The following MLIP variants were observed in gnomAD, a reference collection of about 807,000 sequenced individuals.
MLIP encodes the protein muscular LMNA interacting protein, also known as muscular LMNA-interacting protein.
Under a neutral mutation model 84.8 loss-of-function variants are expected in MLIP, and 79 were observed. That is an observed-to-expected ratio of 0.93 (90% CI 0.78 to 1.12). MLIP has a LOEUF of 1.12. Among genes scored for constraint, MLIP ranks in the 50% most tolerant of loss-of-function variants. The pLI, the probability that MLIP is intolerant of heterozygous loss-of-function variation, is 0.00. For missense variants in MLIP, 1,257 were observed against 1,160.6 expected, an observed-to-expected ratio of 1.08 and a Z score of -1.21; for synonymous variants, 504 against 463.0, an observed-to-expected ratio of 1.09 and a Z score of -1.14.
chr6:54,027,527 A>G (rs1763890270), intron 1 of MLIP, among the ~76,000 whole-genome samples: 1 of 152,158 alleles, frequency 6.6e-6, no homozygotes, highest in Non-Finnish European at 1.5e-5. Flanking sequence ...TGACACAGAT[A>G]TCTTAGTTCC....
At chr6:54,265,772 C>A (rs768536957) in intron 13 of MLIP, among the ~76,000 whole-genome samples, 178 bp from the exon 14 acceptor site, 7 of 151,912 alleles carry the variant, frequency 4.6e-5, no homozygotes, top group Non-Finnish European at 2.9e-5. Flanking sequence ...CTTTATTATG[C>A]CATTAATAGT....
intron 8 of MLIP, among the ~76,000 whole-genome samples, chr6:54,162,235 C>A (rs1230810446): frequency 6.6e-6 from 1 of 151,914 alleles, no homozygotes; most frequent in Non-Finnish European, 1.5e-5. Context: ...GGAAAAGAAC[C>A]AGCCACAGAA....
chr6:54,149,036 T>C lies in MLIP; in HGVS notation c.2218-20T>C. The stretch of plus-strand genomic sequence containing the variant: ...TTCCCATTTTCATCTCTACTCTTGC[T>C]TTCTGGTTGCCCATTCTAGCAATAC... On this transcript the variant is annotated intron_variant, in intron 4 of 13. Coordinates refer to ENST00000502396, the MANE Select transcript of MLIP (RefSeq NM_001281747.2). The C allele has an allele frequency of 6.2e-7, 1 of 1,609,102 alleles. No homozygotes were observed. Among genetic ancestry groups the C allele is most frequent in the Non-Finnish European group, 8.5e-7 (1 of 1,176,214 alleles).
At chr6:54,039,054 C>G (rs1203931339) in intron 1 of MLIP, among the ~76,000 whole-genome samples, 1 of 151,732 alleles carries the variant, frequency 6.6e-6, no homozygotes, top group Non-Finnish European at 1.5e-5. Context: ...ATCTATATAA[C>G]CAATTTAAGT....
intron 1 of MLIP, among the ~76,000 whole-genome samples, chr6:54,090,695 AAGAGAG>A (rs148755535): frequency 2.8e-5 from 4 of 145,124 alleles, no homozygotes; most frequent in Non-Finnish European, 4.6e-5. Flanking sequence ...GAGACAGAGA[AAGAGAG>A]AGAGAGAGAG....
At chr6:54,027,889 G>A (rs563286673) in intron 1 of MLIP, among the ~76,000 whole-genome samples, 2 of 152,284 alleles carry the variant, frequency 1.3e-5, no homozygotes, top group South Asian at 4.1e-4. Flanking sequence ...GAGATAGATG[G>A]ATTGCAGGCT....
intron 1 of MLIP, among the ~76,000 whole-genome samples, chr6:54,019,406 C>T (rs1026310303): frequency 9.9e-5 from 15 of 152,194 alleles, no homozygotes; most frequent in African/African-American, 2.4e-4. Flanking sequence ...GTTTTATTTA[C>T]GTATGCGAAG....
intron 10 of MLIP, among the ~76,000 whole-genome samples, chr6:54,194,570 ACAT>A (rs1778165731): frequency 6.6e-6 from 1 of 152,146 alleles, no homozygotes; most frequent in Non-Finnish European, 1.5e-5. Flanking sequence ...TTGGAAAAAC[ACAT>A]CAAGTAGGTA....
chr6:54,110,234 C>T (rs1326729092), upstream of MLIP, among the ~76,000 whole-genome samples: 5 of 152,062 alleles, frequency 3.3e-5, no homozygotes, highest in South Asian at 2.1e-4. Flanking sequence ...CCGCCCGCCT[C>T]GGCCTCCCAA....
At chr6:54,224,561 AG>A (rs1562078531) in intron 11 of MLIP, among the ~76,000 whole-genome samples, 1 of 152,090 alleles carries the variant, frequency 6.6e-6, no homozygotes, top group African/African-American at 2.4e-5. Flanking sequence ...ATCCATCCTT[AG>A]GGGAATTCTT....
intron 1 of MLIP, among the ~76,000 whole-genome samples, chr6:54,019,924 A>G (rs1482087652): frequency 6.6e-6 from 1 of 152,206 alleles, no homozygotes; most frequent in Non-Finnish European, 1.5e-5. Flanking sequence ...AAAACTCTTG[A>G]AGTGTATTAG....
chr6:54,147,534 T>C (rs572983297), intron 4 of MLIP, among the ~76,000 whole-genome samples: 44 of 152,024 alleles, frequency 2.9e-4, no homozygotes, highest in African/African-American at 1.0e-3. Flanking sequence ...TCCTTAAGAG[T>C]TAAGAGACTT....
chr6:54,208,991 A>G (rs1213122702), intron 11 of MLIP, among the ~76,000 whole-genome samples: 1 of 152,184 alleles, frequency 6.6e-6, no homozygotes, highest in Admixed American at 6.5e-5. Context: ...GTTTTGGCTC[A>G]TGAGACGTGA....
chr6:54,192,605 A>C (rs1319885763), intron 10 of MLIP, among the ~76,000 whole-genome samples: 6 of 151,340 alleles, frequency 4.0e-5, no homozygotes, highest in African/African-American at 1.4e-4. Context: ...TTTGATAAAC[A>C]AAACTTTGAT....
intron 1 of MLIP, among the ~76,000 whole-genome samples, chr6:54,096,552 T>C (rs1386614236): frequency 6.6e-6 from 1 of 152,112 alleles, no homozygotes; most frequent in African/African-American, 2.4e-5. Flanking sequence ...CCTTGGCTAC[T>C]TTGGCTGGAT....
chr6:54,062,799 C>T (rs1227656177), intron 1 of MLIP, among the ~76,000 whole-genome samples: 1 of 152,122 alleles, frequency 6.6e-6, no homozygotes, highest in Non-Finnish European at 1.5e-5. Flanking sequence ...TTTAAGACAG[C>T]CTTTTCATAT....
intron 1 of MLIP, among the ~76,000 whole-genome samples, chr6:54,094,462 G>C (rs866546102): frequency 1.3e-5 from 2 of 152,064 alleles, no homozygotes; most frequent in South Asian, 2.1e-4. Context: ...AGGGATTTCT[G>C]TTTCTTCCTA....
intron 1 of MLIP, chr6:54,083,652 T>C: frequency 6.5e-7 from 1 of 1,533,720 alleles, no homozygotes. Context: ...AATTCCTTGA[T>C]ACTGTCACCC....
intron 5 of MLIP, among the ~76,000 whole-genome samples, chr6:54,159,172 C>T (rs1044400690): frequency 6.6e-6 from 1 of 152,024 alleles, no homozygotes; most frequent in Non-Finnish European, 1.5e-5. Flanking sequence ...CTCAGCCTCC[C>T]AAAGTGCTAG....
Sources: gnomAD v4.1 joint callset for allele counts (sites outside exome capture counted in the v4.1 genomes callset) on GRCh38, gnomAD v4.1.1 for gene constraint, MANE v1.5 for transcripts, NCBI Gene and HGNC (gene_info 2026-07-23, HGNC 2026-07-21) for gene names.